The following CFAP74 variants were observed in gnomAD, a reference collection of about 807,000 sequenced individuals.
CFAP74 encodes the protein cilia and flagella associated protein 74.
In CFAP74, 124 loss-of-function variants were observed where a neutral mutation model predicts 188.9. That is an observed-to-expected ratio of 0.66 (90% confidence interval 0.57 to 0.76). The LOEUF (loss-of-function observed/expected upper bound fraction) is 0.76, where lower values mean the gene tolerates loss of function less well. Ranked by LOEUF, CFAP74 falls within the 30% of genes least tolerant of loss-of-function variation. The pLI is 0.00. For synonymous variants in CFAP74, 956 were observed against 916.7 expected (o/e 1.04, Z -0.77); for missense variants, 2,198 against 2,165.2 (o/e 1.02, Z -0.30).
intron 1 of CFAP74, among the ~76,000 whole-genome samples, chr1:2,002,445 C>T (rs1361343893): frequency 2.0e-5 from 3 of 151,066 alleles, no homozygotes; most frequent in Admixed American, 2.0e-4. Flanking sequence ...CTTTGGGAGG[C>T]GGAGGTGGGT....
chr1:1,926,947 A>G lies in CFAP74; in HGVS notation c.3609T>C (p.Val1203=), dbSNP rs747468922. The G allele has an allele frequency of 3.9e-6, 6 of 1,550,276 alleles. No homozygotes were observed. The highest frequency in any genetic ancestry group is 5.2e-6 in the Non-Finnish European group (6 of 1,146,882). ...AKFDTFVVPC[V]VASGDIKDRK... Reference sequence around the variant, plus strand: ...TGTCTTTGATGTCGCCACTGGCAACAACACAGGGAACTACAAATGTGTCAA... The same window carrying G: ...TGTCTTTGATGTCGCCACTGGCAACGACACAGGGAACTACAAATGTGTCAA... Residue 1203 remains valine (V), a synonymous_variant, in exon 29 of 39, where the codon GTT becomes GTC. Transcript: ENST00000682832.
chr1:1,998,489 G>A (rs1490182917), intron 1 of CFAP74, among the ~76,000 whole-genome samples: 1 of 152,166 alleles, frequency 6.6e-6, no homozygotes, highest in African/African-American at 2.4e-5. Flanking sequence ...AGTTGCTGAG[G>A]CAGGGACGGG....
rs76195270 is a variant in CFAP74 at position 1,963,165 on chromosome 1, C to T, written c.1694+584G>A. ...CAAAACATAACAATACAAAAGGAAA[C>T]TCTGACAAGGTGTGGTGGCTCATGC... On this transcript the variant is annotated intron_variant, in intron 14 of 38. Coordinates refer to ENST00000682832, the MANE Select transcript of CFAP74 (RefSeq NM_001304360.2). Among the ~76,000 whole-genome samples the T allele has an allele frequency of 4.7e-3, 721 of 152,208 alleles. 22 individuals are homozygous for T. In the East Asian group the frequency reaches 0.087, roughly 18 times the overall value.
In CFAP74 at chr1:1,968,900, A is replaced by G. The variant is rs56126097; in HGVS notation, c.1047-67T>C. On this transcript the variant is annotated intron_variant, in intron 10 of 38. Transcript: ENST00000682832. The surrounding 1 kb of genome is among the most constrained non-coding windows in gnomAD (Gnocchi z 4.3). ...GCCTCCACCTTGCCCCAGATGAGAC[A>G]GTGCCCGGCGGCCCCTCCCTAGCGC... The G allele has an allele frequency of 0.24, 358,396 of 1,498,250 alleles. 45,281 individuals are homozygous for G. The highest frequency in any genetic ancestry group is 0.26 in the East Asian group (11,452 of 43,992). 92.8% of individuals were successfully genotyped at this position (1,498,250 alleles called of 1,614,324 possible).
intron 25 of CFAP74, among the ~76,000 whole-genome samples, chr1:1,933,446 C>T (rs1652580638): frequency 6.6e-6 from 1 of 152,198 alleles, no homozygotes; most frequent in African/African-American, 2.4e-5. Flanking sequence ...TCCCAAAGTG[C>T]TGGGATTACA....
At position 1,924,890 on chromosome 1, in the gene CFAP74, G is replaced by A. The variant is rs542314723; in HGVS notation, c.4105-370C>T. Among the ~76,000 whole-genome samples, 58 of 152,328 alleles carry A rather than the reference G, an allele frequency of 3.8e-4. 3 individuals carry two copies. Among genetic ancestry groups the A allele is most frequent in the South Asian group, 3.5e-3 (17 of 4,830 alleles). On this transcript the variant is annotated intron_variant, in intron 33 of 38. Coordinates refer to ENST00000682832, the MANE Select transcript of CFAP74 (RefSeq NM_001304360.2). ...TTAGAGCACCCTTTCTCCATGCAAC[G>A]CCCGTCTCGGGCTCTGCCTCCAGGA...
intron 18 of CFAP74, chr1:1,955,483 G>A (rs779318389): frequency 3.8e-5 from 60 of 1,589,106 alleles, no homozygotes; most frequent in East Asian, 1.9e-4. Context: ...TTCGGTTAGC[G>A]TCAACGTGAA....
chr1:2,003,648 T>C lies in CFAP74; in HGVS notation c.-20+53A>G, dbSNP rs1028818548. On this transcript the variant is annotated intron_variant, in intron 1 of 38. Transcript: ENST00000682832. ...CGGAGTTCTGCCTGGGGGGCGGGGG[T>C]CAAACCCTTCCAGCTCAGCCCCAGG... The C allele has an allele frequency of 3.9e-4, 59 of 150,878 alleles. 1 individual carries two copies. The highest frequency in any genetic ancestry group is 1.4e-3 in the African/African-American group (58 of 40,888). 9.3% of individuals were successfully genotyped at this position (150,878 alleles called of 1,614,324 possible).
At chr1:1,962,004 G>A (rs1655122468) in intron 14 of CFAP74, among the ~76,000 whole-genome samples, 2 of 152,168 alleles carry the variant, frequency 1.3e-5, no homozygotes, top group African/African-American at 4.8e-5. Context: ...CAGCAAGGGG[G>A]GAATGAGGAT....
chr1:1,933,086 A>C lies in CFAP74; in HGVS notation c.3012-2750T>G, dbSNP rs575885764. Among the ~76,000 whole-genome samples, 332 of 117,416 alleles carry C rather than the reference A, an allele frequency of 2.8e-3. 1 individual carries two copies. Among genetic ancestry groups the C allele is most frequent in the African/African-American group, 0.01 (314 of 30,510 alleles). The allele number at this position is 117,416 out of a possible 152,430, so 77.0% of individuals were successfully genotyped here. On this transcript the variant is annotated intron_variant, in intron 25 of 38. Coordinates refer to ENST00000682832, the MANE Select transcript of CFAP74 (RefSeq NM_001304360.2). ...TATTTTTAGTAGAGACGGGGTTTCA[A>C]CGTGTTAGGCAGGATGGTCTTGATC...
At chr1:1,971,333 GCA>G (rs1386656369) in intron 9 of CFAP74, among the ~76,000 whole-genome samples, 1 of 147,370 alleles carries the variant, frequency 6.8e-6, no homozygotes, top group Non-Finnish European at 1.5e-5. Flanking sequence ...TTGCACACCT[GCA>G]CACACGTGCA....
chr1:1,957,840 G>A (rs1473248118), intron 16 of CFAP74, among the ~76,000 whole-genome samples: 1 of 152,168 alleles, frequency 6.6e-6, no homozygotes, highest in African/African-American at 2.4e-5. Flanking sequence ...GGCTCACCAA[G>A]AGCCCGCACA....
Position 1,929,012 on chromosome 1 carries a change from G to A in CFAP74, c.3289-130C>T, listed in dbSNP as rs190679099. Reference sequence around the variant, plus strand: ...CACCTCCCCCTTGAGATTTCAGGCTGCGTGCCCCTTCAGGAAGCCCCTCCC... The same window carrying A: ...CACCTCCCCCTTGAGATTTCAGGCTACGTGCCCCTTCAGGAAGCCCCTCCC... On this transcript the variant is annotated intron_variant, in intron 26 of 38. Coordinates refer to ENST00000682832, the MANE Select transcript of CFAP74 (RefSeq NM_001304360.2). The A allele has an allele frequency of 4.8e-4, 302 of 628,198 alleles. 1 individual carries two copies. The African/African-American group carries it at 5.2e-3, about 11-fold the overall frequency. The allele number at this position is 628,198 out of a possible 1,614,324, so 38.9% of individuals were successfully genotyped here. A position where few individuals can be genotyped will look rare whatever the true frequency, so the allele number is the denominator to read the frequency against.
At position 1,965,001 on chromosome 1, in the gene CFAP74, G is replaced by T. The variant is rs16824585; in HGVS notation, c.1462C>A (p.Leu488Met). 1 of 1,613,340 alleles carries T rather than the reference G, an allele frequency of 6.2e-7. No individual in the cohort carries two copies. Residue 488 changes from leucine (L) to methionine (M), a missense_variant, in exon 13 of 39, where the codon CTG (leucine) becomes ATG (methionine). Physicochemically the swap from Leu to Met is conservative, Grantham distance 15 (BLOSUM62 2). Coordinates refer to ENST00000682832, the MANE Select transcript of CFAP74 (RefSeq NM_001304360.2). ...CGCAGCCGCTCCACCGTGCGCTCCA[G>T]GATGTCCTTGTCCATCTTTGTCCCG... ...VGGTKMDKDI[L>M]ERTVERLRSR...
Position 1,968,674 on chromosome 1 carries a change from A to G in CFAP74, c.1206T>C (p.Phe402=). The change falls in exon 11 of 39, where the codon TTT becomes TTC. Residue 402 remains phenylalanine, a synonymous_variant. Coordinates refer to ENST00000682832, the MANE Select transcript of CFAP74 (RefSeq NM_001304360.2). The surrounding 1 kb of genome is among the most constrained non-coding windows in gnomAD (Gnocchi z 4.3). ...TGGTTGGGACTGTGGTCTTCTTGCA[A>G]AAGTCAGAAATGTAGTTCCAGGTCT... ...RDKTWNYISD[F]CKKTTVPTNT... 3 of 1,606,378 alleles carry G rather than the reference A, an allele frequency of 1.9e-6. No homozygotes were observed. The highest frequency in any genetic ancestry group is 2.6e-6 in the Non-Finnish European group (3 of 1,173,858).
chr1:1,929,173 C>T (rs371067620), intron 26 of CFAP74, among the ~76,000 whole-genome samples: 6 of 150,180 alleles, frequency 4.0e-5, no homozygotes, highest in East Asian at 2.0e-4. Flanking sequence ...CCCCTGTCCT[C>T]GGGGCAGCAG....
rs1188823149 is a variant in CFAP74, at chr1:1,988,716, C to T, written c.153-61G>A. On this transcript the variant is annotated intron_variant, in intron 3 of 38. Transcript: ENST00000682832. ...AGCTGCAGGCTCAGAACTCATTCCT[C>T]GGTGTGGCTGCCGGGGTAGGTGCCT... 29 of 1,589,704 alleles carry T rather than the reference C, an allele frequency of 1.8e-5. No homozygotes were observed. In the South Asian group the frequency reaches 1.9e-4, roughly 10 times the overall value.
chr1:1,953,432 AT>A (rs1654325178), intron 18 of CFAP74: 1 of 151,934 alleles, frequency 6.6e-6, no homozygotes, highest in Non-Finnish European at 1.5e-5. Flanking sequence ...AGTAGCTGGG[AT>A]TACAGGCGCC....
intron 29 of CFAP74, 25 bp from the exon 30 acceptor site, chr1:1,926,786 G>A: frequency 6.5e-7 from 1 of 1,548,924 alleles, no homozygotes; most frequent in Non-Finnish European, 8.7e-7. Flanking sequence ...GCATGCTGAG[G>A]GCAGGGTGGG....
Sources: allele counts gnomAD v4.1 joint callset (sites outside exome capture counted in the v4.1 genomes callset), GRCh38; gene constraint gnomAD v4.1.1; non-coding constraint Gnocchi (gnomAD v3.1); transcripts MANE v1.5; gene names NCBI Gene and HGNC (gene_info 2026-07-23, HGNC 2026-07-21).